KAZN: variants seen among roughly 807,000 people sequenced by gnomAD.
The protein encoded by KAZN is kazrin, periplakin interacting protein.
KAZN carries 40 observed loss-of-function variants against 87.4 expected under a neutral mutation model. That is an observed-to-expected ratio of 0.46 (90% CI 0.36 to 0.60). KAZN has a LOEUF of 0.60. KAZN is among the 20% of genes least tolerant of loss of function. The pLI, the probability that KAZN is intolerant of heterozygous loss-of-function variation, is 0.00. For synonymous variants in KAZN, 466 were observed against 458.3 expected (o/e 1.02, Z -0.22); for missense variants, 898 against 1,073.9 (o/e 0.84, Z 2.29).
chr1:14,627,758 G>C (rs970374486), intron 1 of KAZN, among the ~76,000 whole-genome samples: 1 of 152,152 alleles, frequency 6.6e-6, no homozygotes. Context: ...CATAACCCCC[G>C]ACCGCCAAAC....
chr1:14,706,762 G>C (rs1191744755), intron 1 of KAZN, among the ~76,000 whole-genome samples: 1 of 152,198 alleles, frequency 6.6e-6, no homozygotes, highest in Non-Finnish European at 1.5e-5. Flanking sequence ...ACACCTTTTA[G>C]TAAGCACTTT....
At chr1:14,995,310 C>T (rs1667754276) in intron 2 of KAZN, among the ~76,000 whole-genome samples, 1 of 152,180 alleles carries the variant, frequency 6.6e-6, no homozygotes, top group South Asian at 2.1e-4. Context: ...TTCTCTTAGA[C>T]CAGGCGCTCC....
At chr1:14,243,884 T>G (rs1344473191) in intron 2 of KAZN, among the ~76,000 whole-genome samples, 1 of 152,118 alleles carries the variant, frequency 6.6e-6, no homozygotes, top group Non-Finnish European at 1.5e-5. Context: ...TGTCCGCATC[T>G]TACAGAGGGC....
intron 1 of KAZN, among the ~76,000 whole-genome samples, chr1:14,140,728 C>T (rs10928031): frequency 0.54 from 82,610 of 151,736 alleles, 23,625 homozygotes; most frequent in East Asian, 0.72. Flanking sequence ...CCACGAACCC[C>T]GTCCAGAAGT....
intron 2 of KAZN, among the ~76,000 whole-genome samples, chr1:14,255,489 A>G (rs1474913221): frequency 6.6e-6 from 1 of 152,228 alleles, no homozygotes; most frequent in African/African-American, 2.4e-5. Context: ...ACGGAGTTTC[A>G]TAAAGGAATG....
intron 2 of KAZN, among the ~76,000 whole-genome samples, chr1:14,235,630 CA>C (rs1388788333): frequency 6.6e-6 from 1 of 152,076 alleles, no homozygotes; most frequent in African/African-American, 2.4e-5. Context: ...CTCAATAAAG[CA>C]GTTGTAAAAA....
chr1:14,401,691 CAAAAT>C (rs1663422452), intron 2 of KAZN, among the ~76,000 whole-genome samples: 1 of 151,518 alleles, frequency 6.6e-6, no homozygotes, highest in Non-Finnish European at 1.5e-5. Context: ...AATGTGGTCT[CAAAAT>C]AAATAAGTAA....
chr1:14,292,888 A>G (rs1557620703), intron 2 of KAZN, among the ~76,000 whole-genome samples: 1 of 152,212 alleles, frequency 6.6e-6, no homozygotes, highest in Non-Finnish European at 1.5e-5. Flanking sequence ...GATTCTTAGT[A>G]AAACTGCAGG....
At chr1:14,369,152 T>C (rs2101008452) in intron 2 of KAZN, among the ~76,000 whole-genome samples, 1 of 152,308 alleles carries the variant, frequency 6.6e-6, no homozygotes, top group South Asian at 2.1e-4. Context: ...GGAGACACAT[T>C]TCTAAATGCA....
intron 1 of KAZN, among the ~76,000 whole-genome samples, chr1:14,600,666 CAAAAAAAAAAA>C (rs59840012): frequency 3.4e-5 from 4 of 118,486 alleles, no homozygotes; most frequent in Non-Finnish European, 3.6e-5. Context: ...GGAACCTGTG[CAAAAAAAAAAA>C]AAAAAAAAAA....
chr1:13,947,943 T>C (rs1430491897), intron 1 of KAZN, among the ~76,000 whole-genome samples: 2 of 152,170 alleles, frequency 1.3e-5, no homozygotes, highest in Non-Finnish European at 2.9e-5. Flanking sequence ...CTGTATTCTT[T>C]CCCTGGTCAG....
chr1:14,401,314 AT>A (rs1557692622), intron 2 of KAZN, among the ~76,000 whole-genome samples: 1 of 152,012 alleles, frequency 6.6e-6, no homozygotes, highest in African/African-American at 2.4e-5. Flanking sequence ...TATATATATA[AT>A]GTAGAAGAAG....
intron 2 of KAZN, among the ~76,000 whole-genome samples, chr1:14,195,625 C>G (rs1470601021): frequency 6.6e-6 from 1 of 151,704 alleles, no homozygotes; most frequent in Non-Finnish European, 1.5e-5. Context: ...AAACTTACAT[C>G]TGAGAAAATA....
Position 15,096,064 on chromosome 1 carries a change from A to G in KAZN, c.1547+1131A>G, listed in dbSNP as rs1217282210. 1.3e-5 allele frequency among the ~76,000 whole-genome samples: 2 copies of G among 152,184 alleles called. No homozygotes were observed. Among genetic ancestry groups the G allele is most frequent in the Admixed American group, 1.3e-4 (2 of 15,292 alleles). On this transcript the variant is annotated intron_variant, in intron 10 of 14. Transcript: ENST00000376030. This position sits in a 1 kb window ranked among gnomAD's most constrained non-coding sequence, Gnocchi z 4.5. The stretch of plus-strand genomic sequence containing the variant: ...GCTTTCCTTCCTGAGGGTCCCAAAA[A>G]CACCTTACACCCAGCACCCACCTCC...
intron 1 of KAZN, among the ~76,000 whole-genome samples, chr1:13,931,448 G>GTT (rs954832321): frequency 8.6e-5 from 2 of 23,292 alleles, no homozygotes; most frequent in African/African-American, 2.5e-4. Flanking sequence ...AGCCAGAGGG[G>GTT]TGTGTGTGTG....
intron 1 of KAZN, among the ~76,000 whole-genome samples, chr1:14,868,988 T>C (rs1402298275): frequency 6.6e-6 from 1 of 152,204 alleles, no homozygotes; most frequent in African/African-American, 2.4e-5. Context: ...CCACTCCAGC[T>C]TGGGGGCCCC....
rs868126850 is a variant in KAZN at position 14,490,572 on chromosome 1, A to G, written c.250-108411A>G. On this transcript the variant is annotated intron_variant, in intron 2 of 16. Transcript: ENST00000636203. ...CAGTGGCGCGATCTCGGCTCACTGC[A>G]ACCTCCGCTTCCCAGGTTCAAGCAA... 3.4e-4 allele frequency among the ~76,000 whole-genome samples: 52 copies of G among 152,244 alleles called. No individual in the cohort carries two copies. In the Middle Eastern group the frequency reaches 0.01, roughly 30 times the overall value.
intron 2 of KAZN, among the ~76,000 whole-genome samples, chr1:14,490,519 A>G (rs994156414): frequency 4.0e-5 from 6 of 151,760 alleles, no homozygotes; most frequent in Non-Finnish European, 7.4e-5. Flanking sequence ...TTTGAGATGG[A>G]GTCTCGCTCT....
chr1:14,737,824 C>T (rs1643956136), intron 1 of KAZN, among the ~76,000 whole-genome samples: 1 of 152,210 alleles, frequency 6.6e-6, no homozygotes, highest in Non-Finnish European at 1.5e-5. Flanking sequence ...AGTTCCTTGA[C>T]ACATGGGCCT....
Sources: allele counts gnomAD v4.1 joint callset (sites outside exome capture counted in the v4.1 genomes callset), GRCh38; gene constraint gnomAD v4.1.1; non-coding constraint Gnocchi (gnomAD v3.1); transcripts MANE v1.5; gene names NCBI Gene and HGNC (gene_info 2026-07-23, HGNC 2026-07-21).